Variants in RAB8B observed in about 807,000 individuals in gnomAD.
RAB8B encodes RAB8B, member RAS oncogene family, also known as ras-related protein Rab-8B.
A neutral mutation model predicts 32.0 loss-of-function variants in RAB8B; 11 were observed. The ratio of observed to expected loss-of-function variants is 0.34; its 90% confidence interval spans 0.22 to 0.57. The LOEUF (loss-of-function observed/expected upper bound fraction) is 0.57. RAB8B is among the 20% of genes least tolerant of loss of function. The probability of loss-of-function intolerance (pLI) is 0.86; values close to 1 mark genes in which losing one functional copy is unlikely to be tolerated. For missense variants in RAB8B, 190 were observed against 258.5 expected, an observed-to-expected ratio of 0.73 and a Z score of 1.82; for synonymous variants, 103 against 89.6, an observed-to-expected ratio of 1.15 and a Z score of -0.85.
intron 1 of RAB8B, among the ~76,000 whole-genome samples, chr15:63,202,888 G>A (rs1029188408): frequency 6.6e-6 from 1 of 152,192 alleles, no homozygotes; most frequent in Admixed American, 6.5e-5. Flanking sequence ...AGAGAAACCC[G>A]AGCAACTCAG....
chr15:63,199,635 C>T (rs1175176208), intron 1 of RAB8B, among the ~76,000 whole-genome samples: 1 of 152,056 alleles, frequency 6.6e-6, no homozygotes, highest in East Asian at 1.9e-4. Flanking sequence ...TTTGGCCCTT[C>T]AGCGTTCAAC....
At chr15:63,236,655 G>T (rs981223287) in intron 1 of RAB8B, among the ~76,000 whole-genome samples, 1 of 152,078 alleles carries the variant, frequency 6.6e-6, no homozygotes, top group Non-Finnish European at 1.5e-5. Flanking sequence ...TATATTTATG[G>T]GTTACATGAG....
intron 2 of RAB8B, 106 bp downstream of exon 2, chr15:63,244,922 TTTTC>T (rs1472718832): frequency 1.0e-6 from 1 of 957,490 alleles, no homozygotes; most frequent in Non-Finnish European, 1.6e-6. Flanking sequence ...CTAAAACATC[TTTTC>T]TTTATCGGAA....
chr15:63,225,045 A>G (rs547150730), intron 1 of RAB8B, among the ~76,000 whole-genome samples: 7 of 152,352 alleles, frequency 4.6e-5, no homozygotes, highest in South Asian at 2.1e-4. Context: ...GATATTTCCT[A>G]TAGTTCTACC....
intron 2 of RAB8B, among the ~76,000 whole-genome samples, chr15:63,246,809 C>T (rs2038076060): frequency 6.6e-6 from 1 of 152,186 alleles, no homozygotes; most frequent in South Asian, 2.1e-4. Context: ...GGTTGGTTCT[C>T]CTGGCAACCA....
At chr15:63,224,447 C>CTAAT (rs1450551046) in intron 1 of RAB8B, among the ~76,000 whole-genome samples, 1 of 152,146 alleles carries the variant, frequency 6.6e-6, no homozygotes, top group African/African-American at 2.4e-5. Context: ...GTCACATAGG[C>CTAAT]TAACATGGGA....
At chr15:63,256,479 T>C in intron 4 of RAB8B, 26 bp from the exon 5 acceptor site, 1 of 1,547,322 alleles carries the variant, frequency 6.5e-7, no homozygotes, top group Non-Finnish European at 8.7e-7. Flanking sequence ...AGGCTGTTTT[T>C]ATAGCATGCT....
chr15:63,229,708 G>A (rs1353080153), intron 1 of RAB8B, among the ~76,000 whole-genome samples: 1 of 150,196 alleles, frequency 6.7e-6, no homozygotes, highest in Non-Finnish European at 1.5e-5. Flanking sequence ...TTGAACCCTG[G>A]GGGCAGAGGT....
At chr15:63,189,775 C>A (rs1267394737) in intron 1 of RAB8B, 27 bp downstream of exon 1, 1 of 1,269,944 alleles carries the variant, frequency 7.9e-7, no homozygotes, top group Non-Finnish European at 1.0e-6. Context: ...GGCCCGGGAC[C>A]GGGTAGAGAA....
At chr15:63,247,323 A>G (rs949468965) in intron 2 of RAB8B, among the ~76,000 whole-genome samples, 2 of 152,346 alleles carry the variant, frequency 1.3e-5, no homozygotes, top group East Asian at 1.9e-4. Flanking sequence ...AACACAAACT[A>G]TTAGTCCTTA....
At chr15:63,202,108 A>T (rs1389446250) in intron 1 of RAB8B, among the ~76,000 whole-genome samples, 12 of 114,190 alleles carry the variant, frequency 1.1e-4, no homozygotes, top group South Asian at 2.6e-4. Context: ...AAAAAAAAAA[A>T]AAAAAAAAAA....
At chr15:63,227,896 C>T (rs1411534379) in intron 1 of RAB8B, among the ~76,000 whole-genome samples, 1 of 151,720 alleles carries the variant, frequency 6.6e-6, no homozygotes, top group Admixed American at 6.6e-5. Flanking sequence ...TTCTCTTTTC[C>T]TTTCCTTTCC....
At chr15:63,253,966 C>T (rs773026711) in intron 3 of RAB8B, among the ~76,000 whole-genome samples, 20 of 152,112 alleles carry the variant, frequency 1.3e-4, no homozygotes, top group African/African-American at 4.8e-4. Context: ...TTGAGTTTGC[C>T]GTGATCACAA....
chr15:63,253,796 A>G (rs1298456993), intron 3 of RAB8B, among the ~76,000 whole-genome samples: 1 of 152,234 alleles, frequency 6.6e-6, no homozygotes, highest in Non-Finnish European at 1.5e-5. Context: ...AATATTTAGG[A>G]CATTGAGTCT....
intron 2 of RAB8B, among the ~76,000 whole-genome samples, chr15:63,245,661 AG>A (rs2038064851): frequency 6.6e-6 from 1 of 152,228 alleles, no homozygotes; most frequent in African/African-American, 2.4e-5. Flanking sequence ...TCCCCACTTC[AG>A]CTGCCAGTCA....
chr15:63,245,756 T>C (rs2038065610), intron 2 of RAB8B, among the ~76,000 whole-genome samples: 1 of 152,250 alleles, frequency 6.6e-6, no homozygotes, highest in African/African-American at 2.4e-5. Context: ...TTTTGGAATA[T>C]GTGCATATAC....
At position 63,238,717 on chromosome 15, in the gene RAB8B, A is replaced by G. The variant is rs891792530; in HGVS notation, c.125-6039A>G. Among the ~76,000 whole-genome samples, 9 of 152,216 alleles carry G rather than the reference A, an allele frequency of 5.9e-5. No individual in the cohort carries two copies. In the East Asian group the frequency reaches 1.2e-3, roughly 20 times the overall value. On this transcript the variant is annotated intron_variant, in intron 1 of 7. Transcript: ENST00000321437. ...TTTTTCTCAATAGCCTTTCTATTCT[A>G]TTTTTAGCAGCCTATGGATTCTAGG...
intron 1 of RAB8B, among the ~76,000 whole-genome samples, chr15:63,240,399 T>C (rs1325807037): frequency 6.6e-6 from 1 of 152,180 alleles, no homozygotes; most frequent in Admixed American, 6.5e-5. Flanking sequence ...GTCTAATTTA[T>C]CTAATTAGAT....
chr15:63,229,703 C>A (rs1229301174), intron 1 of RAB8B, among the ~76,000 whole-genome samples: 2 of 146,076 alleles, frequency 1.4e-5, no homozygotes, highest in Non-Finnish European at 3.0e-5. Context: ...ATCTCTTGAA[C>A]CCTGGGGGCA....
Sources: gnomAD v4.1 joint callset for allele counts (sites outside exome capture counted in the v4.1 genomes callset) on GRCh38, gnomAD v4.1.1 for gene constraint, MANE v1.5 for transcripts, NCBI Gene and HGNC (gene_info 2026-07-23, HGNC 2026-07-21) for gene names.